Variants in RIMS2 observed in about 807,000 individuals in gnomAD.
The protein encoded by RIMS2 is regulating synaptic membrane exocytosis protein 2.
RIMS2 carries 59 observed loss-of-function variants against 174.4 expected under a neutral mutation model. The ratio of observed to expected loss-of-function variants is 0.34; its 90% CI spans 0.27 to 0.42. The LOEUF (loss-of-function observed/expected upper bound fraction) is 0.42. Ranked by LOEUF, RIMS2 falls within the 10% of genes least tolerant of loss-of-function variation. The probability of loss-of-function intolerance (pLI) is 1.00; values close to 1 mark genes in which losing one functional copy is unlikely to be tolerated. For missense variants in RIMS2, 1,620 were observed against 1,666.3 expected (o/e 0.97, Z 0.48); for synonymous variants, 606 against 572.5 (o/e 1.06, Z -0.84).
chr8:104,203,494 C>CTTTTTTTTT (rs10545100), intron 19 of RIMS2, among the ~76,000 whole-genome samples: 2 of 72,776 alleles, frequency 2.7e-5, no homozygotes, highest in Non-Finnish European at 2.3e-5. Flanking sequence ...AGACACTGTA[C>CTTTTTTTTT]TTTTTTTTTT....
intron 19 of RIMS2, among the ~76,000 whole-genome samples, chr8:104,071,145 A>G (rs1248761886): frequency 6.6e-6 from 1 of 152,246 alleles, no homozygotes; most frequent in African/African-American, 2.4e-5. Flanking sequence ...GACCAAAGGA[A>G]TACTATAGGC....
At chr8:103,624,481 C>T (rs1373620589) in intron 1 of RIMS2, among the ~76,000 whole-genome samples, 1 of 152,162 alleles carries the variant, frequency 6.6e-6, no homozygotes, top group Non-Finnish European at 1.5e-5. Flanking sequence ...ACTTCTTAGC[C>T]TCCATAATCA....
At chr8:104,231,983 G>T (rs958872785) in intron 19 of RIMS2, among the ~76,000 whole-genome samples, 2 of 152,152 alleles carry the variant, frequency 1.3e-5, no homozygotes, top group Non-Finnish European at 2.9e-5. Flanking sequence ...AAGTTCTACT[G>T]GACAATGCAG....
chr8:103,950,162 A>C (rs923825650), intron 14 of RIMS2, among the ~76,000 whole-genome samples: 6 of 152,154 alleles, frequency 3.9e-5, no homozygotes, highest in African/African-American at 1.4e-4. Flanking sequence ...TTTCAGGCCC[A>C]GATGACTTTA....
intron 19 of RIMS2, among the ~76,000 whole-genome samples, chr8:104,091,646 A>G (rs187007522): frequency 3.3e-5 from 5 of 150,230 alleles, no homozygotes; most frequent in African/African-American, 1.2e-4. Context: ...TGTATAGTGT[A>G]CATATTATAT....
intron 19 of RIMS2, among the ~76,000 whole-genome samples, chr8:104,085,270 A>G (rs1306812261): frequency 1.3e-5 from 2 of 152,208 alleles, no homozygotes; most frequent in African/African-American, 2.4e-5. Context: ...ATTCATCCCC[A>G]TCATCACAGA....
intron 19 of RIMS2, among the ~76,000 whole-genome samples, chr8:104,173,411 T>G (rs538293849): frequency 1.3e-4 from 20 of 152,228 alleles, no homozygotes; most frequent in Admixed American, 5.2e-4. Context: ...AGTTCTGCCC[T>G]TTGTGGATAA....
chr8:104,248,941 T>TTTTA (rs1453849760), intron 21 of RIMS2, 128 bp downstream of exon 27: 2 of 545,314 alleles, frequency 3.7e-6, no homozygotes, highest in Non-Finnish European at 6.4e-6. Context: ...CTATTTTTTT[T>TTTTA]TTTTTAAGAC....
chr8:104,152,736 T>C (rs1238956761), intron 19 of RIMS2, among the ~76,000 whole-genome samples: 2 of 152,132 alleles, frequency 1.3e-5, no homozygotes, highest in African/African-American at 2.4e-5. Context: ...TTGAGTAACT[T>C]GCCTGAAACA....
At chr8:104,081,145 T>C (rs2097410614) in intron 19 of RIMS2, among the ~76,000 whole-genome samples, 1 of 152,046 alleles carries the variant, frequency 6.6e-6, no homozygotes, top group South Asian at 2.1e-4. Flanking sequence ...GATTTTATGA[T>C]TGGCCATTTT....
At chr8:103,791,698 T>G (rs1038743493) in intron 3 of RIMS2, among the ~76,000 whole-genome samples, 1 of 151,962 alleles carries the variant, frequency 6.6e-6, no homozygotes, top group East Asian at 1.9e-4. Flanking sequence ...GAGACACACA[T>G]AGACTCAAAA....
At chr8:103,504,818 T>C (rs1822504570) in intron 1 of RIMS2, among the ~76,000 whole-genome samples, 1 of 150,844 alleles carries the variant, frequency 6.6e-6, no homozygotes, top group Non-Finnish European at 1.5e-5. Context: ...TAAAATCTTT[T>C]TTTTTCTTTC....
intron 1 of RIMS2, among the ~76,000 whole-genome samples, chr8:103,540,259 C>T (rs1247384718): frequency 6.6e-6 from 1 of 152,134 alleles, no homozygotes; most frequent in African/African-American, 2.4e-5. Flanking sequence ...TGAAGAGGGA[C>T]CCCTTTAGTC....
At chr8:104,164,675 A>G (rs1308436011) in intron 19 of RIMS2, among the ~76,000 whole-genome samples, 2 of 152,214 alleles carry the variant, frequency 1.3e-5, no homozygotes, top group Non-Finnish European at 2.9e-5. Context: ...GCTGGAGGCC[A>G]CTATCCTTAG....
intron 1 of RIMS2, among the ~76,000 whole-genome samples, chr8:103,562,914 C>T (rs1038092770): frequency 2.0e-5 from 3 of 152,186 alleles, no homozygotes; most frequent in Admixed American, 2.0e-4. Context: ...AGGCTTGGGG[C>T]TTCCACCCTC....
At chr8:103,545,478 C>T (rs1844586674) in intron 1 of RIMS2, among the ~76,000 whole-genome samples, 2 of 152,118 alleles carry the variant, frequency 1.3e-5, no homozygotes, top group Non-Finnish European at 1.5e-5. Flanking sequence ...CAAAATTTTC[C>T]CAACTTTCCT....
intron 11 of RIMS2, among the ~76,000 whole-genome samples, chr8:103,928,939 A>G (rs1464665999): frequency 6.6e-6 from 1 of 151,624 alleles, no homozygotes. Context: ...TAAGAATGTT[A>G]TAAAGTGATG....
intron 1 of RIMS2, 119 bp from the exon 4 acceptor site, chr8:103,696,967 T>C: frequency 1.6e-6 from 1 of 638,588 alleles, no homozygotes; most frequent in Non-Finnish European, 2.8e-6. Context: ...TAAATTTTCA[T>C]TCTTTTTATT....
At chr8:104,203,424 G>A (rs572518907) in intron 19 of RIMS2, among the ~76,000 whole-genome samples, 1 of 150,500 alleles carries the variant, frequency 6.6e-6, no homozygotes, top group East Asian at 1.9e-4. Context: ...AGCAACTTAG[G>A]ATCATTTAAA....
Sources: gnomAD v4.1 joint callset for allele counts (sites outside exome capture counted in the v4.1 genomes callset) on GRCh38, gnomAD v4.1.1 for gene constraint, MANE v1.5 for transcripts, NCBI Gene and HGNC (gene_info 2026-07-23, HGNC 2026-07-21) for gene names.